DCDC2: variants seen among roughly 807,000 people sequenced by gnomAD.
The protein encoded by DCDC2 is doublecortin domain containing 2.
A neutral mutation model predicts 50.2 loss-of-function variants in DCDC2; 40 were observed. That is an observed-to-expected ratio of 0.80 (90% CI 0.62 to 1.04). The LOEUF (loss-of-function observed/expected upper bound fraction) is 1.04. DCDC2 is among the 50% of genes least tolerant of loss of function. The pLI is 0.00. For synonymous variants in DCDC2, 234 were observed against 210.6 expected (o/e 1.11, Z -0.96); for missense variants, 570 against 581.9 (o/e 0.98, Z 0.21).
At chr6:24,245,307 A>G (rs986137058) in intron 7 of DCDC2, among the ~76,000 whole-genome samples, 2 of 152,170 alleles carry the variant, frequency 1.3e-5, no homozygotes, top group Non-Finnish European at 2.9e-5. Context: ...AAGGTCCACA[A>G]GTGGAGTGTT....
intron 7 of DCDC2, among the ~76,000 whole-genome samples, chr6:24,244,857 C>T (rs1037715454): frequency 2.0e-4 from 30 of 152,208 alleles, no homozygotes; most frequent in African/African-American, 7.2e-4. Context: ...CACAGACCCT[C>T]TCCTGCTACA....
upstream of DCDC2, among the ~76,000 whole-genome samples, chr6:24,362,814 C>G (rs1317079692): frequency 6.6e-6 from 1 of 152,166 alleles, no homozygotes; most frequent in East Asian, 1.9e-4. Context: ...ATACATTTCT[C>G]TTCTTCACAG....
At chr6:24,359,234 A>ATATATAATATATAATATATATTT (rs1760590923), upstream of DCDC2, among the ~76,000 whole-genome samples, 4 of 48,364 alleles carry the variant, frequency 8.3e-5, no homozygotes, top group Admixed American at 1.2e-3. Context: ...TATATATTTT[A>ATATATAATATATAATATATATTT]TATATTTTAT....
chr6:24,373,190 T>A, the DCDC2 span, among the ~76,000 whole-genome samples: 38 of 152,360 alleles, frequency 2.5e-4, no homozygotes, highest in African/African-American at 8.2e-4. Flanking sequence ...GCATGTCCTA[T>A]AAAGTTGAAT....
intron 2 of DCDC2, among the ~76,000 whole-genome samples, chr6:24,306,455 G>A (rs1759474241): frequency 6.6e-6 from 1 of 151,870 alleles, no homozygotes; most frequent in South Asian, 2.1e-4. Context: ...GCAGGCTGAA[G>A]AGGCTGGCAA....
At chr6:24,314,208 C>T (rs931316356) in intron 2 of DCDC2, among the ~76,000 whole-genome samples, 17 of 152,312 alleles carry the variant, frequency 1.1e-4, no homozygotes, top group African/African-American at 3.6e-4. Flanking sequence ...CATGGTGGCT[C>T]ATGCCTGTAA....
Position 24,234,842 on chromosome 6 carries a change from C to A in DCDC2, c.923-29740G>T, listed in dbSNP as rs74430607. On this transcript the variant is annotated intron_variant, in intron 7 of 9. Transcript: ENST00000378454. ...TTAAGAAGGGCCTCTCTCATGGACCCCTATTTATTTCAATAAGCTTATAAA... is the reference window on the plus strand; with the variant it reads ...TTAAGAAGGGCCTCTCTCATGGACCACTATTTATTTCAATAAGCTTATAAA... Among the ~76,000 whole-genome samples, 950 of 152,180 alleles carry A rather than the reference C, an allele frequency of 6.2e-3. 4 individuals are homozygous for A. Among genetic ancestry groups the A allele is most frequent in the Admixed American group, 9.4e-3 (143 of 15,288 alleles).
chr6:24,204,514 C>A (rs1404392509), intron 8 of DCDC2, among the ~76,000 whole-genome samples: 3 of 152,094 alleles, frequency 2.0e-5, no homozygotes, highest in Non-Finnish European at 4.4e-5. Context: ...GGAGGGACAG[C>A]ATTAGGAGAA....
At chr6:24,186,944 G>A (rs1489392523) in intron 8 of DCDC2, among the ~76,000 whole-genome samples, 1 of 152,130 alleles carries the variant, frequency 6.6e-6, no homozygotes, top group African/African-American at 2.4e-5. Flanking sequence ...AGAAGCCTGA[G>A]AACAAACCAA....
At chr6:24,256,584 G>A (rs2113802853) in intron 7 of DCDC2, among the ~76,000 whole-genome samples, 1 of 152,076 alleles carries the variant, frequency 6.6e-6, no homozygotes, top group South Asian at 2.1e-4. Context: ...GAGCCAAACA[G>A]AATACAGCAC....
chr6:24,373,989 C>T, the DCDC2 span, among the ~76,000 whole-genome samples: 12 of 151,716 alleles, frequency 7.9e-5, no homozygotes, highest in African/African-American at 2.7e-4. Flanking sequence ...AGTGAAACCC[C>T]GTCTCTACTA....
At chr6:24,293,961 T>C (rs1275447965) in intron 4 of DCDC2, among the ~76,000 whole-genome samples, 1 of 152,162 alleles carries the variant, frequency 6.6e-6, no homozygotes, top group Non-Finnish European at 1.5e-5. Flanking sequence ...AAGGCAGAAA[T>C]CAAGAAGTTC....
At chr6:24,330,809 G>A (rs956536895) in intron 2 of DCDC2, among the ~76,000 whole-genome samples, 7 of 152,084 alleles carry the variant, frequency 4.6e-5, no homozygotes, top group Non-Finnish European at 8.8e-5. Context: ...GGTAGGCTGT[G>A]GTTTAATCAT....
At chr6:24,372,907 A>G in the DCDC2 span, among the ~76,000 whole-genome samples, 7 of 152,242 alleles carry the variant, frequency 4.6e-5, no homozygotes, top group Non-Finnish European at 8.8e-5. Context: ...CCTAAAACTT[A>G]AAGTATAATA....
At chr6:24,249,295 C>T (rs1174665660) in intron 7 of DCDC2, among the ~76,000 whole-genome samples, 34 of 152,128 alleles carry the variant, frequency 2.2e-4, no homozygotes, top group Admixed American at 2.0e-3. Context: ...CTTGCTGAAA[C>T]CCATTTAACT....
At chr6:24,221,138 T>C (rs1762110278) in intron 7 of DCDC2, among the ~76,000 whole-genome samples, 1 of 152,128 alleles carries the variant, frequency 6.6e-6, no homozygotes, top group African/African-American at 2.4e-5. Context: ...CTCTTCATCA[T>C]CCTAAAGGAT....
intron 7 of DCDC2, among the ~76,000 whole-genome samples, chr6:24,216,554 T>C (rs1032324674): frequency 5.3e-5 from 8 of 152,218 alleles, no homozygotes; most frequent in Non-Finnish European, 1.2e-4. Flanking sequence ...TCAAGATGAT[T>C]GGCTGTGAAG....
upstream of DCDC2, among the ~76,000 whole-genome samples, chr6:24,358,512 T>TAAA (rs966038766): frequency 1.3e-5 from 1 of 75,906 alleles, no homozygotes; most frequent in Non-Finnish European, 2.4e-5. Flanking sequence ...TCTCTACAAT[T>TAAA]AAAAAAAAAA....
intron 8 of DCDC2, among the ~76,000 whole-genome samples, chr6:24,185,760 CAG>C (rs1761191166): frequency 6.7e-6 from 1 of 150,370 alleles, no homozygotes. Context: ...ACCATGGTGA[CAG>C]TCTGCAAAGA....
Sources: gnomAD v4.1 joint callset for allele counts (sites outside exome capture counted in the v4.1 genomes callset) on GRCh38, gnomAD v4.1.1 for gene constraint, MANE v1.5 for transcripts, NCBI Gene and HGNC (gene_info 2026-07-23, HGNC 2026-07-21) for gene names.